The following HOXB3 variants were observed in gnomAD, a reference collection of about 807,000 sequenced individuals.
The protein encoded by HOXB3 is homeobox protein Hox-B3.
A neutral mutation model predicts 29.2 loss-of-function variants in HOXB3; 17 were observed. That is an observed-to-expected ratio of 0.58 (90% CI 0.40 to 0.87). The LOEUF is 0.87. Among genes scored for constraint, HOXB3 ranks in the 40% least tolerant of loss-of-function variants. HOXB3 has a pLI of 0.00. For missense variants in HOXB3, 637 were observed against 616.3 expected (o/e 1.03, Z -0.35); for synonymous variants, 317 against 285.9 (o/e 1.11, Z -1.10).
In HOXB3 at chr17:48,552,597, G is replaced by GC; in HGVS notation, c.-124dup. On this transcript the variant is annotated 5_prime_UTR_variant, in exon 4 of 5. It introduces an in-frame stop codon into an upstream open reading frame of the 5' UTR. Coordinates refer to ENST00000498678, the MANE Select transcript of HOXB3 (RefSeq NM_001384749.1). ...CCCCCCCCCCCCACCTCCCCTCTCT[G>GC]CCCCCCTCCTCCGGGGTCTGTTCCA... 1 of 600,426 alleles carries GC rather than the reference G, an allele frequency of 1.7e-6. No homozygotes were observed. Among genetic ancestry groups the GC allele is most frequent in the Non-Finnish European group, 2.6e-6 (1 of 382,070 alleles). 37.2% of individuals were successfully genotyped at this position (600,426 alleles called of 1,614,324 possible). A position where few individuals can be genotyped will look rare whatever the true frequency, so the allele number is the denominator to read the frequency against.
intron 3 of HOXB3, among the ~76,000 whole-genome samples, chr17:48,555,034 C>A (rs1405979856): frequency 6.7e-6 from 1 of 149,106 alleles, no homozygotes; most frequent in Admixed American, 6.6e-5. Context: ...CGGCTTCCCC[C>A]CAGGGTCTCG....
In HOXB3 at chr17:48,552,581, C is replaced by G; in HGVS notation, c.-107G>C. 1.3e-6 allele frequency: 1 copy of G among 771,962 alleles called. No homozygotes were observed. The highest frequency in any genetic ancestry group is 2.0e-6 in the Non-Finnish European group (1 of 503,704). 47.8% of individuals were successfully genotyped at this position (771,962 alleles called of 1,614,324 possible). A position where few individuals can be genotyped will look rare whatever the true frequency, so the allele number is the denominator to read the frequency against. ...CACGTGACACGCCGGACCCCCCCCC[C>G]CCACCTCCCCTCTCTGCCCCCCTCC... On this transcript the variant is annotated 5_prime_UTR_variant, in exon 4 of 5. Transcript: ENST00000498678.
intron 1 of HOXB3, chr17:48,574,904 G>T (rs2069711433): frequency 1.3e-5 from 2 of 152,206 alleles, no homozygotes; most frequent in South Asian, 4.1e-4. Context: ...TTATCTATTT[G>T]CTTGTCAGAG....
At chr17:48,583,177 A>G (rs2069983669) in intron 1 of HOXB3, among the ~76,000 whole-genome samples, 2 of 152,214 alleles carry the variant, frequency 1.3e-5, no homozygotes, top group South Asian at 4.1e-4. Context: ...ACAACCCAGC[A>G]GGTTTGGGGA....
At chr17:48,589,347 T>C (rs1298774194) in intron 1 of HOXB3, among the ~76,000 whole-genome samples, 1 of 152,192 alleles carries the variant, frequency 6.6e-6, no homozygotes, top group Non-Finnish European at 1.5e-5. Context: ...CTAACACCTC[T>C]AGGCAAGAGA....
chr17:48,550,753 C>A lies in HOXB3; in HGVS notation c.877G>T (p.Ala293Ser). The change falls in exon 5 of 5, where the codon GCC becomes TCC. Residue 293 changes from alanine to serine, a missense_variant. By Grantham distance (99) the Ala-to-Ser change is moderately conservative. Coordinates refer to ENST00000498678, the MANE Select transcript of HOXB3 (RefSeq NM_001384749.1). ...GCATTCTGGTGGGCTTTACCGAAGG[C>A]GGGTGGGGACGGGCTCTCGTAGCTG... ...TPSYESPSPP[A>S]FGKAHQNAYA... is the part of the protein sequence containing the mutation. 6.3e-7 allele frequency: 1 copy of A among 1,591,934 alleles called. No homozygotes were observed. Among genetic ancestry groups the A allele is most frequent in the Non-Finnish European group, 8.6e-7 (1 of 1,166,548 alleles).
In HOXB3 at chr17:48,570,838, C is replaced by T. The variant is rs149739742; in HGVS notation, c.-247+2999G>A. ...ATTCAGCCTGATCCCGATGTGGGCC[C>T]TGCTCCCGGCTCCAGCGAGGGCAAC... is the stretch of plus-strand genomic sequence containing the variant. On this transcript the variant is annotated intron_variant, in intron 2 of 4. Coordinates refer to ENST00000498678, the MANE Select transcript of HOXB3 (RefSeq NM_001384749.1). 1.7e-3 allele frequency among the ~76,000 whole-genome samples: 262 copies of T among 152,318 alleles called. 1 individual carries two copies. Among genetic ancestry groups the T allele is most frequent in the African/African-American group, 5.7e-3 (236 of 41,566 alleles).
intron 2 of HOXB3, among the ~76,000 whole-genome samples, chr17:48,571,434 C>G (rs529100187): frequency 6.6e-6 from 1 of 152,078 alleles, no homozygotes; most frequent in African/African-American, 2.4e-5. Context: ...TGGGGAGGGC[C>G]GAGGGAACTG....
At chr17:48,556,092 AT>A (rs1408151188) in intron 2 of HOXB3, among the ~76,000 whole-genome samples, 4 of 151,770 alleles carry the variant, frequency 2.6e-5, no homozygotes, top group Admixed American at 2.6e-4. Context: ...AAGGGGGGAA[AT>A]TTTAAAATAC....
chr17:48,586,275 T>G (rs2070043876), intron 1 of HOXB3, among the ~76,000 whole-genome samples: 1 of 152,220 alleles, frequency 6.6e-6, no homozygotes, highest in Non-Finnish European at 1.5e-5. Flanking sequence ...GACAAGGTGC[T>G]TTTTGGGATC....
chr17:48,554,535 A>C lies in HOXB3; in HGVS notation c.-159+996T>G. 2 of 676,890 alleles carry C rather than the reference A, an allele frequency of 3.0e-6. No individual in the cohort carries two copies. Among genetic ancestry groups the C allele is most frequent in the Non-Finnish European group, 5.4e-6 (2 of 371,976 alleles). 41.9% of individuals were successfully genotyped at this position (676,890 alleles called of 1,614,324 possible). A position where few individuals can be genotyped will look rare whatever the true frequency, so the allele number is the denominator to read the frequency against. ...GCCGGTGGTGCAGACAGGGCTGGGAAGGTTTGTGCACCCGGGTAGTCCCTG... is the reference window on the plus strand; with the variant it reads ...GCCGGTGGTGCAGACAGGGCTGGGACGGTTTGTGCACCCGGGTAGTCCCTG... On this transcript the variant is annotated intron_variant, in intron 3 of 4. Coordinates refer to ENST00000498678, the MANE Select transcript of HOXB3 (RefSeq NM_001384749.1). The surrounding 1 kb of genome is among the most constrained non-coding windows in gnomAD (Gnocchi z 4.1).
At chr17:48,555,381 GGAGGGAGGGA>G (rs2068941173) in intron 3 of HOXB3, 140 bp downstream of exon 3, 23 of 629,222 alleles carry the variant, frequency 3.7e-5, no homozygotes, top group African/African-American at 3.3e-4. Flanking sequence ...AGGGAGGGAG[GGAGGGAGGGA>G]GAGAGAGAGT....
At position 48,550,476 on chromosome 17, in the gene HOXB3, T is replaced by C. The variant is rs576238449; in HGVS notation, c.1154A>G (p.Asp385Gly). Residue 385 changes from aspartate (D) to glycine (G), a missense_variant, in exon 5 of 5, where the codon GAC (aspartate) becomes GGC (glycine). Asp to Gly is a moderately conservative substitution (Grantham distance 94). Transcript: ENST00000498678. ...HLSHHPSGNL[D>G]YNGAPPMAPS... ...CGCCATAGGGGGCGCCCCGTTGTAG[T>C]CCAGGTTCCCGGAAGGGTGATGGGA... The C allele has an allele frequency of 7.5e-6, 12 of 1,609,982 alleles. No individual in the cohort carries two copies. In the Admixed American group the frequency reaches 8.4e-5, roughly 11 times the overall value.
intron 4 of HOXB3, among the ~76,000 whole-genome samples, chr17:48,551,412 C>CTTA (rs2068737578): frequency 1.3e-5 from 2 of 152,156 alleles, no homozygotes; most frequent in Admixed American, 1.3e-4. Context: ...TCTCCTTTCG[C>CTTA]TGCCCCAGCT....
intron 2 of HOXB3, among the ~76,000 whole-genome samples, chr17:48,559,263 C>A (rs67412921): frequency 0.15 from 22,800 of 152,086 alleles, 1,932 homozygotes; most frequent in Non-Finnish European, 0.19. Flanking sequence ...TCTCCTCCCC[C>A]AAAAATGCAT....
chr17:48,578,832 G>A (rs571383392), intron 1 of HOXB3: 22 of 155,116 alleles, frequency 1.4e-4, no homozygotes, highest in African/African-American at 5.1e-4. Flanking sequence ...AGCACCCTGC[G>A]TCTCTATGGG....
At chr17:48,578,543 C>T (rs1021341594) in intron 1 of HOXB3, 8 of 507,636 alleles carry the variant, frequency 1.6e-5, no homozygotes, top group East Asian at 8.0e-5. Context: ...CTTCCCTTCC[C>T]CCTCCCCACC....
chr17:48,580,051 C>G, intron 1 of HOXB3: 1 of 414,878 alleles, frequency 2.4e-6, no homozygotes. Flanking sequence ...TAGTTTTGAG[C>G]TCTGGGAACA....
chr17:48,568,651 G>GCA (rs1491485443), intron 2 of HOXB3, among the ~76,000 whole-genome samples: 5,340 of 149,714 alleles, frequency 0.036, 273 homozygotes, highest in African/African-American at 0.12. Context: ...ACACACGCGC[G>GCA]GACACACACA....
Sources: gnomAD v4.1 joint callset for allele counts (sites outside exome capture counted in the v4.1 genomes callset) on GRCh38, gnomAD v4.1.1 for gene constraint, Gnocchi (gnomAD v3.1) non-coding constraint, MANE v1.5 for transcripts, NCBI Gene and HGNC (gene_info 2026-07-23, HGNC 2026-07-21) for gene names.